PXDN: variants seen among roughly 807,000 people sequenced by gnomAD.
PXDN encodes peroxidasin homolog.
Under a neutral mutation model 140.3 loss-of-function variants are expected in PXDN, and 77 were observed. That is an observed-to-expected ratio of 0.55 (90% CI 0.46 to 0.66). The LOEUF (loss-of-function observed/expected upper bound fraction) is 0.66, where lower values mean the gene tolerates loss of function less well. PXDN is among the 30% of genes least tolerant of loss of function. PXDN has a pLI of 0.00. For missense variants in PXDN, 1,838 were observed against 2,039.5 expected (o/e 0.90, Z 1.90); for synonymous variants, 911 against 857.4 (o/e 1.06, Z -1.09).
At chr2:1,730,730 A>C (rs1685293295) in intron 1 of PXDN, among the ~76,000 whole-genome samples, 1 of 152,134 alleles carries the variant, frequency 6.6e-6, no homozygotes, top group Admixed American at 6.6e-5. Context: ...TTACTTCTCT[A>C]ATTACCCAGG....
chr2:1,656,586 C>T (rs1390072623), intron 14 of PXDN, among the ~76,000 whole-genome samples: 3 of 151,542 alleles, frequency 2.0e-5, no homozygotes, highest in African/African-American at 7.3e-5. Context: ...CCTGTCCCCT[C>T]CTGCCTGAAA....
At chr2:1,634,877 A>C (rs116248055) in intron 22 of PXDN, among the ~76,000 whole-genome samples, 1,875 of 152,200 alleles carry the variant, frequency 0.012, 37 homozygotes, top group African/African-American at 0.043. Context: ...CAAGCTTTCC[A>C]CGGAGCCTGG....
In PXDN at chr2:1,679,250, T is replaced by C. The variant is rs561031316; in HGVS notation, c.730+943A>G. ...ATAAATGGTGTGTGTAGATGGCATG[T>C]GCGTGTGTGGTGTGTGTGTGGATTG... is the stretch of plus-strand genomic sequence containing the variant. On this transcript the variant is annotated intron_variant, in intron 7 of 22. Transcript: ENST00000252804. Among the ~76,000 whole-genome samples, 4 of 150,016 alleles carry C rather than the reference T, an allele frequency of 2.7e-5. No homozygotes were observed. The South Asian group carries it at 6.4e-4, about 24-fold the overall frequency.
chr2:1,737,414 G>C (rs551548821), intron 1 of PXDN, among the ~76,000 whole-genome samples: 1 of 152,240 alleles, frequency 6.6e-6, no homozygotes, highest in South Asian at 2.1e-4. Context: ...GTTTTTGTTC[G>C]TTTTTGTCAG....
At chr2:1,642,488 G>C (rs1455533286) in intron 19 of PXDN, among the ~76,000 whole-genome samples, 2 of 152,170 alleles carry the variant, frequency 1.3e-5, no homozygotes, top group African/African-American at 4.8e-5. Flanking sequence ...TGCCGGGTGA[G>C]GCCGGGATCT....
intron 9 of PXDN, among the ~76,000 whole-genome samples, chr2:1,673,441 G>A (rs898035041): frequency 3.3e-5 from 5 of 152,070 alleles, no homozygotes; most frequent in African/African-American, 4.8e-5. Context: ...CCCAGATGAG[G>A]GGCTAACTGG....
At chr2:1,659,376 A>G (rs765255903) in intron 14 of PXDN, among the ~76,000 whole-genome samples, 3 of 152,230 alleles carry the variant, frequency 2.0e-5, no homozygotes, top group Admixed American at 6.5e-5. Context: ...TTGGAATGCA[A>G]TATTTTTATG....
chr2:1,711,603 C>T (rs1246171555), intron 1 of PXDN, among the ~76,000 whole-genome samples: 7 of 139,776 alleles, frequency 5.0e-5, no homozygotes, highest in Non-Finnish European at 9.2e-5. Context: ...CACCCACTCT[C>T]CACCAGCACC....
Position 1,666,401 on chromosome 2 carries a change from G to A in PXDN, c.1104C>T (p.His368=), listed in dbSNP as rs1440692346. ...SVTLECSATG[H]PPPRISWTRG... is the part of the protein sequence containing the mutation. ...TCGTCCAGGAGATCCGCGGCGGGGG[G>A]TGGCCTGTGGCGCTGCACTCCAGCG... The change falls in exon 10 of 23, where the codon CAC becomes CAT. Residue 368 remains histidine (H), a synonymous_variant. Coordinates refer to ENST00000252804, the MANE Select transcript of PXDN (RefSeq NM_012293.3). 4 of 1,613,726 alleles carry A rather than the reference G, an allele frequency of 2.5e-6. No individual in the cohort carries two copies. The highest frequency in any genetic ancestry group is 1.6e-4 in the Middle Eastern group (1 of 6,082).
At position 1,662,060 on chromosome 2, in the gene PXDN, C is replaced by G; in HGVS notation, c.1680+12G>C. The G allele has an allele frequency of 5.7e-6, 9 of 1,573,210 alleles. No homozygotes were observed. The highest frequency in any genetic ancestry group is 7.8e-6 in the Non-Finnish European group (9 of 1,159,214). On this transcript the variant is annotated intron_variant, in intron 13 of 22. Transcript: ENST00000252804. ...TCTGGGTGGTGGCTGGCTCGGGCAC[C>G]AGACCGCCTACCTTGTTCCAGGTGA...
chr2:1,659,221 C>T (rs759459530), intron 14 of PXDN, among the ~76,000 whole-genome samples: 3 of 152,248 alleles, frequency 2.0e-5, no homozygotes, highest in African/African-American at 4.8e-5. Context: ...ACAGACATCA[C>T]AGGCATGTGG....
rs528455127 is a variant in PXDN at position 1,663,598 on chromosome 2, C to T, written c.1567+7G>A. 181 of 1,613,760 alleles carry T rather than the reference C, an allele frequency of 1.1e-4. 1 individual carries two copies. The South Asian group carries it at 1.8e-3, about 16-fold the overall frequency. ...ATCAATTCAGTCCACAACCTCCTGG[C>T]ACCTACCTCTGGGCTGCACAGTCAG... On this transcript the variant is annotated splice_region_variant and intron_variant, in intron 12 of 22. Coordinates refer to ENST00000252804, the MANE Select transcript of PXDN (RefSeq NM_012293.3).
At position 1,649,046 on chromosome 2, in the gene PXDN, C is replaced by A. The variant is rs770394672; in HGVS notation, c.2734G>T (p.Ala912Ser). The change falls in exon 17 of 23, where the codon GCA (alanine) becomes TCA (serine). Residue 912 changes from alanine (A) to serine (S), a missense_variant. By Grantham distance (99) the Ala-to-Ser change is moderately conservative. Around this residue, in one of 5 missense-constraint regions of PXDN, gnomAD observed 850 missense variants for 894.1 expected, o/e 0.95. Coordinates refer to ENST00000252804, the MANE Select transcript of PXDN (RefSeq NM_012293.3). This position sits in a 1 kb window ranked among gnomAD's most constrained non-coding sequence, Gnocchi z 7.1. ...QINQLTSYID[A>S]SNVYGSTEHE... is the part of the protein sequence containing the mutation. The stretch of plus-strand genomic sequence containing the variant: ...TCCGTGCTCCCGTACACGTTGGATG[C>A]GTCTATGTAGGAGGTGAGCTGGTTG... The A allele has an allele frequency of 3.1e-6, 5 of 1,612,582 alleles. No homozygotes were observed. The highest frequency in any genetic ancestry group is 2.2e-5 in the East Asian group (1 of 44,836).
At chr2:1,730,027 G>A (rs1392923824) in intron 1 of PXDN, among the ~76,000 whole-genome samples, 1 of 152,128 alleles carries the variant, frequency 6.6e-6, no homozygotes, top group East Asian at 1.9e-4. Context: ...TTTGAAAATA[G>A]ATACATGACA....
chr2:1,712,214 G>A (rs748194724), intron 1 of PXDN, among the ~76,000 whole-genome samples: 1 of 152,160 alleles, frequency 6.6e-6, no homozygotes, highest in African/African-American at 2.4e-5. Context: ...AAATTGAAAG[G>A]AAGAACTACA....
chr2:1,649,659 G>A lies in PXDN; in HGVS notation c.2121C>T (p.Asp707=), dbSNP rs574029140. The part of the protein sequence containing the change: ...DLNGTSYHYN[D]LVSPQYLNLI... ...GGTTCAGGTACTGTGGAGACACCAG[G>A]TCGTTGTAGTGGTAACCTGGGACGT... Residue 707 remains aspartate, a synonymous_variant, in exon 17 of 23, where the codon GAC becomes GAT. Coordinates refer to ENST00000252804, the MANE Select transcript of PXDN (RefSeq NM_012293.3). The surrounding 1 kb of genome is among the most constrained non-coding windows in gnomAD (Gnocchi z 7.1). The A allele has an allele frequency of 6.2e-7, 1 of 1,613,904 alleles. No homozygotes were observed. The highest frequency in any genetic ancestry group is 1.3e-5 in the African/African-American group (1 of 75,038).
chr2:1,676,621 A>C (rs1366986271), intron 8 of PXDN: 10 of 426,260 alleles, frequency 2.3e-5, no homozygotes, highest in Non-Finnish European at 3.9e-5. Flanking sequence ...GCAGGCAGGG[A>C]GAGAACAACC....
At chr2:1,698,783 G>T (rs1418181634) in intron 1 of PXDN, among the ~76,000 whole-genome samples, 2 of 152,108 alleles carry the variant, frequency 1.3e-5, no homozygotes, top group Non-Finnish European at 2.9e-5. Context: ...CCTACTTAGG[G>T]AACGTCGACG....
intron 1 of PXDN, among the ~76,000 whole-genome samples, chr2:1,740,629 T>C (rs10189495): frequency 0.15 from 22,855 of 150,840 alleles, 1,819 homozygotes; most frequent in East Asian, 0.3. Flanking sequence ...TGTGCGCCCT[T>C]TCCCCATACC....
Sources: gnomAD v4.1 joint callset for allele counts (sites outside exome capture counted in the v4.1 genomes callset) on GRCh38, gnomAD v4.1.1 for gene constraint, gnomAD v4.1.1 regional missense constraint, Gnocchi (gnomAD v3.1) non-coding constraint, MANE v1.5 for transcripts, NCBI Gene and HGNC (gene_info 2026-07-23, HGNC 2026-07-21) for gene names.